SPACA7: variants seen among roughly 807,000 people sequenced by gnomAD.
SPACA7 encodes sperm acrosome associated 7, also known as sperm acrosome-associated protein 7.
Under a neutral mutation model 26.3 loss-of-function variants are expected in SPACA7, and 19 were observed. That is an observed-to-expected ratio of 0.72 (90% CI 0.50 to 1.06). SPACA7 has a LOEUF of 1.06. Among genes scored for constraint, SPACA7 ranks in the 50% least tolerant of loss-of-function variants. The pLI, the probability that SPACA7 is intolerant of heterozygous loss-of-function variation, is 0.00. For synonymous variants in SPACA7, 84 were observed against 84.5 expected (o/e 0.99, Z 0.04); for missense variants, 211 against 229.9 (o/e 0.92, Z 0.53).
rs186807128 is a variant in SPACA7 at position 112,380,286 on chromosome 13, C to T, written c.94+3807C>T. 2.6e-4 allele frequency among the ~76,000 whole-genome samples: 40 copies of T among 151,810 alleles called. No homozygotes were observed. In the South Asian group the frequency reaches 8.3e-3, roughly 32 times the overall value. ...CAGACATGGTGGTGCATGCCTGTAA[C>T]CCCAGCTACTTGGGAGGCTGAGGCA... On this transcript the variant is annotated intron_variant, in intron 1 of 6. Coordinates refer to ENST00000283550, the MANE Select transcript of SPACA7 (RefSeq NM_145248.5).
chr13:112,414,593 T>G (rs2149205), intron 5 of SPACA7, among the ~76,000 whole-genome samples: 2 of 152,016 alleles, frequency 1.3e-5, no homozygotes, highest in South Asian at 4.2e-4. Flanking sequence ...GTATTTTTAG[T>G]GGAAATGGGG....
chr13:112,399,135 A>C lies in SPACA7; in HGVS notation c.311A>C (p.Gln104Pro). 1 of 1,610,264 alleles carries C rather than the reference A, an allele frequency of 6.2e-7. No individual in the cohort carries two copies. The highest frequency in any genetic ancestry group is 8.5e-7 in the Non-Finnish European group (1 of 1,176,546). The change falls in exon 4 of 7, where the codon CAA (glutamine) becomes CCA (proline). Residue 104 changes from glutamine (Q) to proline (P), a missense_variant. By Grantham distance (76) the Gln-to-Pro change is moderately conservative. Coordinates refer to ENST00000283550, the MANE Select transcript of SPACA7 (RefSeq NM_145248.5). ...TACCATGAATTATTAGAGAATTTAC[A>C]ATTCTCTCCTGGCATTGAGGTCAAA... ...ENYHELLENL[Q>P]FSPGIEVKIS...
intron 1 of SPACA7, among the ~76,000 whole-genome samples, chr13:112,390,606 G>A (rs1317663969): frequency 6.6e-6 from 1 of 152,170 alleles, no homozygotes; most frequent in Non-Finnish European, 1.5e-5. Context: ...CTTCTGGGGA[G>A]GCCTCAGGAA....
intron 5 of SPACA7, among the ~76,000 whole-genome samples, chr13:112,407,915 A>G (rs1002753743): frequency 2.0e-5 from 3 of 152,170 alleles, no homozygotes; most frequent in Non-Finnish European, 4.4e-5. Context: ...AGACACAACA[A>G]AAAAAGGGAA....
chr13:112,405,499 A>G lies in SPACA7; in HGVS notation c.445+4335A>G, dbSNP rs554229292. Among the ~76,000 whole-genome samples the G allele has an allele frequency of 2.6e-5, 4 of 152,256 alleles. No homozygotes were observed. In the South Asian group the frequency reaches 8.3e-4, roughly 32 times the overall value. On this transcript the variant is annotated intron_variant, in intron 5 of 6. Transcript: ENST00000283550. ...GCATTTTGTCTTTGTTTTTCATAAT[A>G]ATTTCTAGTTTTATTGCCCTGTGAT...
In SPACA7 at chr13:112,428,607, A is replaced by G. The variant is rs562029759; in HGVS notation, c.446-3837A>G. Among the ~76,000 whole-genome samples, 4 of 152,214 alleles carry G rather than the reference A, an allele frequency of 2.6e-5. No individual in the cohort carries two copies. In the South Asian group the frequency reaches 8.3e-4, roughly 32 times the overall value. On this transcript the variant is annotated intron_variant, in intron 5 of 6. Transcript: ENST00000283550. Reference sequence around the variant, plus strand: ...AAAATAAAACAAAAACAAAAACAAAAAAAAGAAGTGTGCTATTTAGTTTCA... The same window carrying G: ...AAAATAAAACAAAAACAAAAACAAAGAAAAGAAGTGTGCTATTTAGTTTCA...
At chr13:112,377,870 C>T (rs761359213) in intron 1 of SPACA7, among the ~76,000 whole-genome samples, 7 of 151,982 alleles carry the variant, frequency 4.6e-5, no homozygotes, top group East Asian at 1.9e-4. Flanking sequence ...GGAATGTCTA[C>T]GAAAAAGAGA....
intron 5 of SPACA7, among the ~76,000 whole-genome samples, chr13:112,412,364 T>A (rs1886405942): frequency 6.6e-6 from 1 of 152,198 alleles, no homozygotes; most frequent in African/African-American, 2.4e-5. Context: ...AATTGATTTC[T>A]TGTCAGATGG....
rs139687710 is a variant in SPACA7, at chr13:112,398,133, C to T, written c.236C>T (p.Pro79Leu). The T allele has an allele frequency of 2.5e-4, 408 of 1,612,770 alleles. 1 individual carries two copies. The highest frequency in any genetic ancestry group is 2.2e-4 in the Non-Finnish European group (261 of 1,178,796). Residue 79 changes from proline to leucine, a missense_variant, in exon 3 of 7, where the codon CCG becomes CTG. Coordinates refer to ENST00000283550, the MANE Select transcript of SPACA7 (RefSeq NM_145248.5). Reference protein sequence around the residue: ...MPSTASTLSTPLHAGIDENYQ... With the variant: ...MPSTASTLSTLLHAGIDENYQ... ...AGTACAGCATCAACATTATCAACAC[C>T]GTTACGTAAGGAGAAAAGCAAGCAC...
intron 5 of SPACA7, among the ~76,000 whole-genome samples, chr13:112,407,622 A>C (rs1283222863): frequency 6.6e-6 from 1 of 152,226 alleles, no homozygotes; most frequent in Non-Finnish European, 1.5e-5. Flanking sequence ...ATCTAGAAGA[A>C]ATGGATAAAT....
At chr13:112,400,962 G>C in intron 4 of SPACA7, 107 bp from the exon 5 acceptor site, 5 of 775,488 alleles carry the variant, frequency 6.4e-6, no homozygotes, top group Non-Finnish European at 1.1e-5. Flanking sequence ...ACTTGAAAAT[G>C]ATATTAGCAT....
At chr13:112,388,045 C>T (rs1884639896) in intron 1 of SPACA7, among the ~76,000 whole-genome samples, 2 of 152,162 alleles carry the variant, frequency 1.3e-5, no homozygotes, top group African/African-American at 4.8e-5. Flanking sequence ...TAGGGCTCAT[C>T]AAATGTGACC....
intron 5 of SPACA7, among the ~76,000 whole-genome samples, chr13:112,431,374 A>G (rs936644631): frequency 6.6e-6 from 1 of 152,214 alleles, no homozygotes; most frequent in Non-Finnish European, 1.5e-5. Context: ...GAAAAGTTTC[A>G]TGGTTCATAA....
chr13:112,388,818 G>C (rs764558431), intron 1 of SPACA7, among the ~76,000 whole-genome samples: 58 of 152,258 alleles, frequency 3.8e-4, no homozygotes, highest in African/African-American at 1.3e-3. Flanking sequence ...CTTGGTGGGT[G>C]GGGGGAAGCC....
chr13:112,427,126 A>C (rs1472944317), intron 5 of SPACA7, among the ~76,000 whole-genome samples: 2 of 152,210 alleles, frequency 1.3e-5, no homozygotes, highest in Admixed American at 6.5e-5. Flanking sequence ...TTCTGAATCT[A>C]TTCTGAGCAT....
rs1441318815 is a variant in SPACA7, at chr13:112,393,002, G to C, written c.95-19G>C. On this transcript the variant is annotated intron_variant, in intron 1 of 6. Transcript: ENST00000283550. The stretch of plus-strand genomic sequence containing the variant: ...TTCAATGAACATTGTTAAACTGTAG[G>C]GTTTTTATTTCCTTCTAGGTTCACC... 1.9e-6 allele frequency: 3 copies of C among 1,602,272 alleles called. No individual in the cohort carries two copies. The highest frequency in any genetic ancestry group is 2.6e-6 in the Non-Finnish European group (3 of 1,171,102).
chr13:112,434,505 C>A lies in SPACA7; in HGVS notation c.544C>A (p.Gln182Lys), dbSNP rs761340064. 1 of 1,610,586 alleles carries A rather than the reference C, an allele frequency of 6.2e-7. No individual in the cohort carries two copies. Among genetic ancestry groups the A allele is most frequent in the Non-Finnish European group, 8.5e-7 (1 of 1,178,588 alleles). The change falls in exon 7 of 7, where the codon CAG (glutamine) becomes AAG (lysine). Residue 182 changes from glutamine (Q) to lysine (K), a missense_variant. Transcript: ENST00000283550. The stretch of plus-strand genomic sequence containing the variant: ...CACAGGAAACATTTTCCATAAAGAG[C>A]AGCAGAGGACCAGCGCACAGAGGAG... ...RSSGNIFHKE[Q>K]QRTSAQRRSQ...
intron 5 of SPACA7, among the ~76,000 whole-genome samples, chr13:112,402,150 T>C (rs1885687844): frequency 6.6e-6 from 1 of 152,240 alleles, no homozygotes; most frequent in African/African-American, 2.4e-5. Context: ...AGTTTTACAA[T>C]GTTGAGTGGA....
chr13:112,417,094 G>A (rs1886742353), intron 5 of SPACA7, among the ~76,000 whole-genome samples: 1 of 151,780 alleles, frequency 6.6e-6, no homozygotes, highest in Non-Finnish European at 1.5e-5. Context: ...GAAATCTAAT[G>A]GTTTTACTGG....
Sources: gnomAD v4.1 joint callset for allele counts (sites outside exome capture counted in the v4.1 genomes callset) on GRCh38, gnomAD v4.1.1 for gene constraint, MANE v1.5 for transcripts, NCBI Gene and HGNC (gene_info 2026-07-23, HGNC 2026-07-21) for gene names.